PCDH15: variants seen among roughly 807,000 people sequenced by gnomAD.
PCDH15 encodes the protein protocadherin-15.
Under a neutral mutation model 178.5 loss-of-function variants are expected in PCDH15, and 129 were observed. That is an observed-to-expected ratio of 0.72 (90% CI 0.63 to 0.84). PCDH15 has a LOEUF of 0.84. PCDH15 is among the 40% of genes least tolerant of loss of function. The probability of loss-of-function intolerance (pLI) is 0.00; values close to 1 mark genes in which losing one functional copy is unlikely to be tolerated. For synonymous variants in PCDH15, 800 were observed against 732.0 expected (o/e 1.09, Z -1.50); for missense variants, 2,230 against 2,099.9 (o/e 1.06, Z -1.21).
At position 55,006,085 on chromosome 10, in the gene PCDH15, C is replaced by G. The variant is rs184128655; in HGVS notation, c.-79-108585G>C. Among the ~76,000 whole-genome samples the G allele has an allele frequency of 2.0e-5, 3 of 152,052 alleles. No homozygotes were observed. In the East Asian group the frequency reaches 5.8e-4, roughly 29 times the overall value. On this transcript the variant is annotated intron_variant, in intron 2 of 5. Transcript: ENST00000458638. ...CTTATCCATCACCACACAAATTTAT[C>G]ATTTTTTGGAGTAAAGAGAATGTTA...
intron 2 of PCDH15, among the ~76,000 whole-genome samples, chr10:55,397,678 C>T (rs1441237781): frequency 1.3e-5 from 2 of 152,078 alleles, no homozygotes; most frequent in African/African-American, 2.4e-5. Context: ...TCTCGTCTCC[C>T]GGGTTCAAGC....
At chr10:53,976,164 C>T (rs566900928) in intron 21 of PCDH15, among the ~76,000 whole-genome samples, 23 of 152,204 alleles carry the variant, frequency 1.5e-4, no homozygotes, top group Admixed American at 1.5e-3. Context: ...GTTTTGATTA[C>T]TGCAGTCTTG....
At chr10:54,981,540 T>C (rs1215149990) in intron 2 of PCDH15, among the ~76,000 whole-genome samples, 1 of 152,178 alleles carries the variant, frequency 6.6e-6, no homozygotes, top group African/African-American at 2.4e-5. Context: ...TGGTAGGGCT[T>C]ACTCCATATC....
At chr10:53,863,037 T>G (rs1013982377) in intron 27 of PCDH15, among the ~76,000 whole-genome samples, 1 of 152,152 alleles carries the variant, frequency 6.6e-6, no homozygotes, top group African/African-American at 2.4e-5. Context: ...AGAAATGTGA[T>G]GAAGAAGAGA....
intron 1 of PCDH15, among the ~76,000 whole-genome samples, chr10:55,202,271 G>A (rs533468361): frequency 3.3e-5 from 5 of 152,090 alleles, no homozygotes; most frequent in East Asian, 3.9e-4. Context: ...AAGCAGCCAC[G>A]GGGAAATACT....
At chr10:54,855,078 A>G (rs1953712934) in intron 3 of PCDH15, among the ~76,000 whole-genome samples, 1 of 152,248 alleles carries the variant, frequency 6.6e-6, no homozygotes, top group Admixed American at 6.5e-5. Flanking sequence ...GCACTGACCC[A>G]GTGTGTACAC....
intron 1 of PCDH15, among the ~76,000 whole-genome samples, chr10:54,670,460 A>G (rs2094643141): frequency 6.6e-6 from 1 of 152,154 alleles, no homozygotes; most frequent in Non-Finnish European, 1.5e-5. Flanking sequence ...AGAACTTTAA[A>G]TAAAAGAGGG....
intron 1 of PCDH15, among the ~76,000 whole-genome samples, chr10:55,288,084 A>G (rs1842917428): frequency 6.7e-6 from 1 of 150,228 alleles, no homozygotes; most frequent in African/African-American, 2.4e-5. Flanking sequence ...ATTAATTTAT[A>G]TATATATGTG....
intron 28 of PCDH15, among the ~76,000 whole-genome samples, chr10:53,855,593 C>T (rs564645562): frequency 2.9e-4 from 44 of 151,918 alleles, no homozygotes; most frequent in African/African-American, 9.4e-4. Context: ...TGCTTTAATC[C>T]GTGCCTACTG....
intron 2 of PCDH15, among the ~76,000 whole-genome samples, chr10:54,906,912 C>T (rs1954732657): frequency 6.6e-6 from 1 of 151,974 alleles, no homozygotes; most frequent in Non-Finnish European, 1.5e-5. Flanking sequence ...ATCACATTAC[C>T]CTAATAATTG....
At chr10:55,340,342 G>A (rs1392101466) in intron 2 of PCDH15, among the ~76,000 whole-genome samples, 1 of 151,668 alleles carries the variant, frequency 6.6e-6, no homozygotes, top group Non-Finnish European at 1.5e-5. Flanking sequence ...AACAATGTTG[G>A]TTTATACCTG....
At chr10:54,308,693 T>C (rs1025040257) in intron 8 of PCDH15, among the ~76,000 whole-genome samples, 8 of 152,058 alleles carry the variant, frequency 5.3e-5, no homozygotes, top group African/African-American at 1.7e-4. Context: ...TGCAGGTTTG[T>C]AACATAGGTA....
At chr10:54,436,130 A>G (rs1366721290) in intron 3 of PCDH15, among the ~76,000 whole-genome samples, 1 of 150,058 alleles carries the variant, frequency 6.7e-6, no homozygotes, top group African/African-American at 2.5e-5. Flanking sequence ...AAAGAAAGAA[A>G]GAAAAAGAAA....
chr10:54,010,825 C>T (rs115273765), intron 20 of PCDH15, among the ~76,000 whole-genome samples: 3,254 of 152,220 alleles, frequency 0.021, 100 homozygotes, highest in African/African-American at 0.074. Flanking sequence ...TGCCTAAGCT[C>T]GGGAGCACGG....
In PCDH15 at chr10:54,079,393, C is replaced by T; in HGVS notation, c.2029G>A (p.Asp677Asn). 1.9e-6 allele frequency: 3 copies of T among 1,614,042 alleles called. No homozygotes were observed. The change falls in exon 17 of 38, where the codon GAC becomes AAC. Residue 677 changes from aspartate (D) to asparagine (N), a missense_variant. By Grantham distance (23) the Asp-to-Asn change is conservative. Coordinates refer to ENST00000644397, the MANE Select transcript of PCDH15 (RefSeq NM_001384140.1). ...TGILTLGKAL[D>N]RESTDRYILI... is the part of the protein sequence containing the mutation. Reference sequence around the variant, plus strand: ...ATGTAGCGATCAGTGCTTTCCCTGTCCAGTGCTTTCCCTAAGGTTAGAATC... The same window carrying T: ...ATGTAGCGATCAGTGCTTTCCCTGTTCAGTGCTTTCCCTAAGGTTAGAATC...
intron 26 of PCDH15, among the ~76,000 whole-genome samples, chr10:53,886,137 A>C (rs2081076641): frequency 6.6e-6 from 1 of 152,206 alleles, no homozygotes; most frequent in African/African-American, 2.4e-5. Flanking sequence ...CTATTGAGAG[A>C]TCTATTGAGA....
At chr10:54,195,987 C>T in intron 10 of PCDH15, 98 bp from the exon 11 acceptor site, 4 of 1,043,170 alleles carry the variant, frequency 3.8e-6, no homozygotes, top group East Asian at 2.6e-5. Context: ...CTCTTTTTAA[C>T]TAATATCATC....
intron 25 of PCDH15, among the ~76,000 whole-genome samples, chr10:53,937,840 C>T (rs1397274012): frequency 6.6e-6 from 1 of 152,070 alleles, no homozygotes; most frequent in Non-Finnish European, 1.5e-5. Flanking sequence ...CTTTTTCCCT[C>T]TTCTCCCTTC....
chr10:54,763,337 C>T (rs1470556490), intron 1 of PCDH15, among the ~76,000 whole-genome samples: 15 of 152,078 alleles, frequency 9.9e-5, no homozygotes, highest in Admixed American at 2.0e-4. Context: ...TTCCATGAGA[C>T]ACTAAGAATA....
Sources: gnomAD v4.1 joint callset for allele counts (sites outside exome capture counted in the v4.1 genomes callset) on GRCh38, gnomAD v4.1.1 for gene constraint, MANE v1.5 for transcripts, NCBI Gene and HGNC (gene_info 2026-07-23, HGNC 2026-07-21) for gene names.